The following SNCAIP variants were observed in gnomAD, a reference collection of about 807,000 sequenced individuals.
SNCAIP encodes the protein synphilin-1.
SNCAIP carries 43 observed loss-of-function variants against 86.7 expected under a neutral mutation model. The ratio of observed to expected loss-of-function variants is 0.50; its 90% CI spans 0.39 to 0.64. SNCAIP has a LOEUF of 0.64. Ranked by LOEUF, SNCAIP falls within the 30% of genes least tolerant of loss-of-function variation. The pLI, the probability that SNCAIP is intolerant of heterozygous loss-of-function variation, is 0.00. For missense variants in SNCAIP, 981 were observed against 1,103.1 expected, an observed-to-expected ratio of 0.89 and a Z score of 1.57; for synonymous variants, 417 against 427.2, an observed-to-expected ratio of 0.98 and a Z score of 0.29.
In SNCAIP at chr5:122,450,708, C is replaced by G. The variant is rs28937592; in HGVS notation, c.1861C>G (p.Arg621Gly). The G allele has an allele frequency of 3.1e-6, 5 of 1,614,050 alleles. No individual in the cohort carries two copies. The highest frequency in any genetic ancestry group is 2.2e-5 in the East Asian group (1 of 44,900). The change falls in exon 10 of 11, where the codon CGC becomes GGC. Residue 621 changes from arginine to glycine, a missense_variant. Physicochemically the swap from Arg to Gly is moderately radical, Grantham distance 125. Transcript: ENST00000261368. ...AGATGAAGATTCTGATAAAATCTTA[C>G]GCCAGTTATTGGGAAAGGAAATCTC... The part of the protein sequence containing the change: ...AKDEDSDKIL[R>G]QLLGKEISEN...
chr5:122,360,944 GA>G (rs1762081201), intron 1 of SNCAIP, among the ~76,000 whole-genome samples: 1 of 151,708 alleles, frequency 6.6e-6, no homozygotes, highest in Non-Finnish European at 1.5e-5. Context: ...CAAAAAACTA[GA>G]ACCATGTTTC....
chr5:122,363,137 C>T (rs1381053428), intron 1 of SNCAIP, among the ~76,000 whole-genome samples: 1 of 151,906 alleles, frequency 6.6e-6, no homozygotes, highest in African/African-American at 2.4e-5. Flanking sequence ...GCTGTTTTTA[C>T]AGGCATGCGC....
At chr5:122,315,735 T>C (rs1308304599) in intron 1 of SNCAIP, among the ~76,000 whole-genome samples, 2 of 152,094 alleles carry the variant, frequency 1.3e-5, no homozygotes, top group African/African-American at 2.4e-5. Context: ...ACAATGATAA[T>C]AAAATTTTAG....
chr5:122,439,067 A>T (rs1237518849), intron 6 of SNCAIP, among the ~76,000 whole-genome samples: 1 of 152,224 alleles, frequency 6.6e-6, no homozygotes, highest in Admixed American at 6.5e-5. Flanking sequence ...TCTATGTCCA[A>T]TTAAAAGTAA....
intron 1 of SNCAIP, among the ~76,000 whole-genome samples, chr5:122,344,047 C>G (rs375451276): frequency 1.3e-5 from 2 of 152,148 alleles, no homozygotes; most frequent in Non-Finnish European, 2.9e-5. Flanking sequence ...AATATTACAA[C>G]CCTGTGACTG....
At position 122,423,345 on chromosome 5, in the gene SNCAIP, A is replaced by G. The variant is rs144384727; in HGVS notation, c.608A>G (p.Asn203Ser). The G allele has an allele frequency of 1.4e-3, 2,250 of 1,613,992 alleles. 1 individual carries two copies. Among genetic ancestry groups the G allele is most frequent in the Non-Finnish European group, 1.8e-3 (2,071 of 1,179,922 alleles). The change falls in exon 4 of 11, where the codon AAC becomes AGC. Residue 203 changes from asparagine (N) to serine (S), a missense_variant. Coordinates refer to ENST00000261368, the MANE Select transcript of SNCAIP (RefSeq NM_005460.4). ...GGAAGTTCTGAGAGCTCATCATCCA[A>G]CATGGCACCATTTTGTGTTCTTTCT... ...STGSSESSSS[N>S]MAPFCVLSPV...
intron 1 of SNCAIP, chr5:122,388,455 AGG>A (rs1768668136): frequency 6.6e-6 from 1 of 152,362 alleles, no homozygotes; most frequent in Non-Finnish European, 1.5e-5. Context: ...TCAGAAGAGC[AGG>A]ATGAGAAAAG....
intron 1 of SNCAIP, among the ~76,000 whole-genome samples, chr5:122,379,903 G>A (rs1437155599): frequency 2.0e-5 from 3 of 152,122 alleles, no homozygotes; most frequent in East Asian, 1.9e-4. Context: ...CTTGATCATC[G>A]TGGATAAGCT....
At chr5:122,412,302 A>G (rs1252050496) in intron 3 of SNCAIP, among the ~76,000 whole-genome samples, 4 of 152,084 alleles carry the variant, frequency 2.6e-5, no homozygotes, top group Non-Finnish European at 5.9e-5. Context: ...TCTGTCCCCA[A>G]CTTCCTATTT....
chr5:122,367,650 TA>T (rs1763447443), intron 1 of SNCAIP, among the ~76,000 whole-genome samples: 1 of 152,092 alleles, frequency 6.6e-6, no homozygotes, highest in Non-Finnish European at 1.5e-5. Flanking sequence ...GAACTGCACT[TA>T]TGCTGCAAAG....
At chr5:122,411,380 AG>A (rs1177225146) in intron 3 of SNCAIP, among the ~76,000 whole-genome samples, 1 of 152,144 alleles carries the variant, frequency 6.6e-6, no homozygotes, top group Admixed American at 6.5e-5. Flanking sequence ...TAAAGGCAAA[AG>A]TATGAGTGTG....
At chr5:122,370,273 G>T (rs1764019307) in intron 1 of SNCAIP, among the ~76,000 whole-genome samples, 1 of 151,526 alleles carries the variant, frequency 6.6e-6, no homozygotes, top group Non-Finnish European at 1.5e-5. Flanking sequence ...TGAACATTTT[G>T]CTCTTGTACT....
intron 3 of SNCAIP, among the ~76,000 whole-genome samples, chr5:122,406,112 G>A (rs781584256): frequency 1.1e-4 from 16 of 152,212 alleles, no homozygotes; most frequent in Middle Eastern, 6.8e-3. Flanking sequence ...AGGAACCCAC[G>A]GAAAAATGTG....
At chr5:122,425,594 T>C in intron 5 of SNCAIP, 63 bp downstream of exon 5, 1 of 1,380,330 alleles carries the variant, frequency 7.2e-7, no homozygotes, top group South Asian at 1.2e-5. Flanking sequence ...TTAAGATTCC[T>C]TGTGAGCTAA....
At chr5:122,448,019 C>G (rs943238169) in intron 8 of SNCAIP, among the ~76,000 whole-genome samples, 2 of 152,128 alleles carry the variant, frequency 1.3e-5, no homozygotes, top group Non-Finnish European at 2.9e-5. Flanking sequence ...TGGACTAAAA[C>G]TGATAGCTTC....
chr5:122,316,302 C>T (rs1043890434), intron 1 of SNCAIP, among the ~76,000 whole-genome samples: 9 of 152,196 alleles, frequency 5.9e-5, no homozygotes, highest in Non-Finnish European at 7.3e-5. Flanking sequence ...TTAAACTAAG[C>T]ATACCAGGCA....
At chr5:122,402,142 G>A (rs1771950237) in intron 2 of SNCAIP, among the ~76,000 whole-genome samples, 2 of 151,906 alleles carry the variant, frequency 1.3e-5, no homozygotes, top group Admixed American at 1.3e-4. Flanking sequence ...GGGACACATG[G>A]CAACCAAAAC....
intron 8 of SNCAIP, among the ~76,000 whole-genome samples, chr5:122,447,195 G>A (rs1200134157): frequency 2.6e-5 from 4 of 152,166 alleles, no homozygotes. Flanking sequence ...TAGGAGAGAA[G>A]CAAGGAACAG....
At chr5:122,448,427 G>A (rs946578551) in intron 8 of SNCAIP, among the ~76,000 whole-genome samples, 1 of 150,976 alleles carries the variant, frequency 6.6e-6, no homozygotes, top group East Asian at 1.9e-4. Flanking sequence ...CTTGAGCCAG[G>A]GGTTCAAGTC....
Sources: allele counts gnomAD v4.1 joint callset (sites outside exome capture counted in the v4.1 genomes callset), GRCh38; gene constraint gnomAD v4.1.1; transcripts MANE v1.5; gene names NCBI Gene and HGNC (gene_info 2026-07-23, HGNC 2026-07-21).